The following PRUNE2 variants were observed in gnomAD, a reference collection of about 807,000 sequenced individuals.
The protein encoded by PRUNE2 is prune homolog 2 with BCH domain.
In PRUNE2, 164 loss-of-function variants were observed where a neutral mutation model predicts 252.0. The observed-to-expected ratio is 0.65, with a 90% CI of 0.57 to 0.74. The LOEUF is 0.74. Among genes scored for constraint, PRUNE2 ranks in the 30% least tolerant of loss-of-function variants. The pLI, the probability that PRUNE2 is intolerant of heterozygous loss-of-function variation, is 0.00. For missense variants in PRUNE2, 3,495 were observed against 3,711.0 expected, an observed-to-expected ratio of 0.94 and a Z score of 1.51; for synonymous variants, 1,292 against 1,350.2, an observed-to-expected ratio of 0.96 and a Z score of 0.94.
intron 9 of PRUNE2, among the ~76,000 whole-genome samples, chr9:76,672,293 A>C (rs2041658781): frequency 9.6e-6 from 1 of 104,426 alleles, no homozygotes; most frequent in Admixed American, 1.1e-4. Context: ...ACAAAGATCA[A>C]AAGAGACAAA....
At chr9:76,767,241 C>T (rs535283872) in intron 6 of PRUNE2, among the ~76,000 whole-genome samples, 5 of 152,234 alleles carry the variant, frequency 3.3e-5, no homozygotes, top group African/African-American at 1.2e-4. Context: ...CACTTGAGGT[C>T]GGGAGTTCAA....
At chr9:76,801,511 T>C (rs1291590162) in intron 6 of PRUNE2, among the ~76,000 whole-genome samples, 1 of 152,142 alleles carries the variant, frequency 6.6e-6, no homozygotes, top group East Asian at 1.9e-4. Flanking sequence ...AGCAACTCTT[T>C]TTCAAATATA....
chr9:76,620,140 A>ATT (rs59150159), intron 17 of PRUNE2, among the ~76,000 whole-genome samples: 2,111 of 127,128 alleles, frequency 0.017, 50 homozygotes, highest in East Asian at 0.058. Context: ...CCCTCCCATA[A>ATT]TTTTTTTTTT....
In PRUNE2 at chr9:76,708,618, A is replaced by G; in HGVS notation, c.3656T>C (p.Ile1219Thr). The part of the protein sequence containing the change: ...EKSGQLIANS[I>T]WDSVMRDKDM... ...TTTATCTCTCATGACAGAATCCCAA[A>G]TACTGTTTGCAATTAGCTGCCCACT... The change falls in exon 8 of 19, where the codon ATT (isoleucine) becomes ACT (threonine). Residue 1219 changes from isoleucine to threonine, a missense_variant. Transcript: ENST00000376718. 1 of 1,613,894 alleles carries G rather than the reference A, an allele frequency of 6.2e-7. No homozygotes were observed.
chr9:76,614,120 G>A lies in PRUNE2; in HGVS notation c.*450C>T, dbSNP rs1828316424. 1 of 158,828 alleles carries A rather than the reference G, an allele frequency of 6.3e-6. No individual in the cohort carries two copies. The highest frequency in any genetic ancestry group is 1.8e-4 in the South Asian group (1 of 5,438). 9.8% of individuals were successfully genotyped at this position (158,828 alleles called of 1,614,324 possible). A position where few individuals can be genotyped will look rare whatever the true frequency, so the allele number is the denominator to read the frequency against. ...TAGTCAGGCTTAGGATTTTAAAGGT[G>A]GAGTCAAACAGGGGAAACTTTCCTG... On this transcript the variant is annotated 3_prime_UTR_variant, in exon 19 of 19. Transcript: ENST00000376718.
At chr9:76,905,624 C>T (rs73653252) in intron 1 of PRUNE2, among the ~76,000 whole-genome samples, 1 of 152,162 alleles carries the variant, frequency 6.6e-6, no homozygotes, top group Non-Finnish European at 1.5e-5. Context: ...CCCATTTATC[C>T]CTTAGCTTTC....
At chr9:76,632,164 T>C (rs777208021) in intron 15 of PRUNE2, among the ~76,000 whole-genome samples, 1 of 152,256 alleles carries the variant, frequency 6.6e-6, no homozygotes, top group African/African-American at 2.4e-5. Flanking sequence ...ATTTACCCAG[T>C]AATGGGATTG....
chr9:76,623,573 G>A (rs1002937901), intron 17 of PRUNE2, among the ~76,000 whole-genome samples: 1 of 152,164 alleles, frequency 6.6e-6, no homozygotes, highest in East Asian at 1.9e-4. Context: ...GATTACAGGG[G>A]TCTGACTTTC....
intron 6 of PRUNE2, among the ~76,000 whole-genome samples, chr9:76,765,475 A>G (rs1010097082): frequency 1.3e-5 from 2 of 152,238 alleles, no homozygotes; most frequent in African/African-American, 4.8e-5. Flanking sequence ...TGAGGTAAGG[A>G]AGGCATACAG....
At chr9:76,648,965 A>G (rs985734841) in intron 11 of PRUNE2, among the ~76,000 whole-genome samples, 39 of 152,192 alleles carry the variant, frequency 2.6e-4, no homozygotes, top group Admixed American at 2.1e-3. Context: ...TAAACTATGG[A>G]CCTTGGGTGA....
intron 9 of PRUNE2, among the ~76,000 whole-genome samples, chr9:76,693,479 C>T (rs1398287570): frequency 7.4e-6 from 1 of 134,678 alleles, no homozygotes; most frequent in Non-Finnish European, 1.5e-5. Flanking sequence ...AGTCTTGCAC[C>T]ATTGCCCAGG....
chr9:76,880,571 A>C (rs2061716147), intron 1 of PRUNE2, among the ~76,000 whole-genome samples: 1 of 152,216 alleles, frequency 6.6e-6, no homozygotes, highest in South Asian at 2.1e-4. Context: ...TTCACTTGTG[A>C]ATTTCCTCAA....
intron 1 of PRUNE2, among the ~76,000 whole-genome samples, chr9:76,866,549 C>T (rs759977020): frequency 2.1e-4 from 32 of 152,188 alleles, no homozygotes; most frequent in Non-Finnish European, 3.7e-4. Flanking sequence ...CCTGCCTTCC[C>T]CAAGGGTTGT....
intron 6 of PRUNE2, among the ~76,000 whole-genome samples, chr9:76,721,628 C>T (rs930800134): frequency 6.6e-6 from 1 of 152,080 alleles, no homozygotes; most frequent in African/African-American, 2.4e-5. Context: ...CCAGTGTGTA[C>T]GGCTGCATTT....
intron 9 of PRUNE2, among the ~76,000 whole-genome samples, chr9:76,661,171 A>G (rs1331697362): frequency 6.6e-6 from 1 of 152,192 alleles, no homozygotes. Context: ...AATAATGCAG[A>G]AGTGTTGACA....
At chr9:76,670,344 G>A (rs1222506796) in intron 9 of PRUNE2, among the ~76,000 whole-genome samples, 2 of 151,812 alleles carry the variant, frequency 1.3e-5, no homozygotes, top group Non-Finnish European at 2.9e-5. Context: ...CTTTTCCAAA[G>A]GGCTTAAAAA....
intron 6 of PRUNE2, among the ~76,000 whole-genome samples, chr9:76,764,800 T>C (rs964187925): frequency 3.4e-4 from 51 of 152,182 alleles, no homozygotes; most frequent in Non-Finnish European, 6.9e-4. Context: ...ACAAGCTATT[T>C]GCTTGGCTTC....
chr9:76,897,390 C>CTATTTTTTTTTTTTTTTT (rs1564527202), intron 1 of PRUNE2, among the ~76,000 whole-genome samples: 3 of 56,252 alleles, frequency 5.3e-5, no homozygotes, highest in African/African-American at 6.1e-5. Context: ...AGGCAAACCT[C>CTATTTTTTTTTTTTTTTT]TTTTTTTTTT....
chr9:76,618,933 G>C (rs984780884), intron 18 of PRUNE2, among the ~76,000 whole-genome samples: 3 of 152,108 alleles, frequency 2.0e-5, no homozygotes, highest in Non-Finnish European at 1.5e-5. Flanking sequence ...AATTCCTCCT[G>C]GATGTTGCAA....
Sources: allele counts gnomAD v4.1 joint callset (sites outside exome capture counted in the v4.1 genomes callset), GRCh38; gene constraint gnomAD v4.1.1; transcripts MANE v1.5; gene names NCBI Gene and HGNC (gene_info 2026-07-23, HGNC 2026-07-21).